The following SLC25A21 variants were observed in gnomAD, a reference collection of about 807,000 sequenced individuals.
SLC25A21 encodes the protein solute carrier family 25 member 21.
A neutral mutation model predicts 43.8 loss-of-function variants in SLC25A21; 47 were observed. That is an observed-to-expected ratio of 1.07 (90% CI 0.85 to 1.37). The LOEUF (loss-of-function observed/expected upper bound fraction) is 1.37, where lower values mean the gene tolerates loss of function less well. SLC25A21 is among the 40% of genes most tolerant of loss of function. The probability of loss-of-function intolerance (pLI) is 0.00; values close to 1 mark genes in which losing one functional copy is unlikely to be tolerated. For synonymous variants in SLC25A21, 131 were observed against 121.3 expected, an observed-to-expected ratio of 1.08 and a Z score of -0.52; for missense variants, 352 against 350.2, an observed-to-expected ratio of 1.00 and a Z score of -0.04.
intron 1 of SLC25A21, among the ~76,000 whole-genome samples, chr14:36,980,669 A>G (rs952461723): frequency 6.6e-6 from 1 of 152,122 alleles, no homozygotes. Context: ...CATCAAACTC[A>G]TTCTCTGTCC....
chr14:36,892,660 T>G (rs1049810983), intron 1 of SLC25A21, among the ~76,000 whole-genome samples: 14 of 152,054 alleles, frequency 9.2e-5, no homozygotes, highest in Admixed American at 1.3e-4. Flanking sequence ...AACTCGTCAT[T>G]TAACATTAGG....
chr14:36,949,539 C>A (rs1234385388), intron 1 of SLC25A21, among the ~76,000 whole-genome samples: 1 of 152,182 alleles, frequency 6.6e-6, no homozygotes, highest in East Asian at 1.9e-4. Flanking sequence ...CACCTTGTCC[C>A]CTGCCTCCTC....
At chr14:37,012,696 C>T (rs954979780) in intron 1 of SLC25A21, among the ~76,000 whole-genome samples, 3 of 152,086 alleles carry the variant, frequency 2.0e-5, no homozygotes, top group African/African-American at 7.2e-5. Context: ...GCGTGGTAAG[C>T]CGAATTTCCC....
At chr14:37,016,518 C>T (rs946392009) in intron 1 of SLC25A21, among the ~76,000 whole-genome samples, 3 of 151,994 alleles carry the variant, frequency 2.0e-5, no homozygotes, top group African/African-American at 4.8e-5. Context: ...ATTGACTTGG[C>T]GATGCGGGCT....
At chr14:37,103,667 T>C (rs1488809095) in intron 1 of SLC25A21, among the ~76,000 whole-genome samples, 1 of 152,148 alleles carries the variant, frequency 6.6e-6, no homozygotes, top group Non-Finnish European at 1.5e-5. Flanking sequence ...CCACTTCAAA[T>C]CTCAAACCTT....
rs548005479 is a variant in SLC25A21 at position 36,982,483 on chromosome 14, G to C, written c.71-107479C>G. Among the ~76,000 whole-genome samples, 22 of 152,260 alleles carry C rather than the reference G, an allele frequency of 1.4e-4. No homozygotes were observed. The East Asian group carries it at 4.2e-3, about 29-fold the overall frequency. On this transcript the variant is annotated intron_variant, in intron 1 of 9. Coordinates refer to ENST00000331299, the MANE Select transcript of SLC25A21 (RefSeq NM_030631.4). ...TAAGCACAGGGCCATCTAAGCAGTA[G>C]AATTTTTAACCATGAAAGGTTTTAG...
At chr14:37,119,192 C>T (rs1031449049) in intron 1 of SLC25A21, among the ~76,000 whole-genome samples, 1 of 152,162 alleles carries the variant, frequency 6.6e-6, no homozygotes, top group African/African-American at 2.4e-5. Flanking sequence ...AGCCTCAGTT[C>T]CAGGAACTGC....
At chr14:36,833,930 A>C (rs1172148608) in intron 2 of SLC25A21, among the ~76,000 whole-genome samples, 1 of 152,202 alleles carries the variant, frequency 6.6e-6, no homozygotes, top group Non-Finnish European at 1.5e-5. Flanking sequence ...TAAAACAGAA[A>C]ATAAGATATA....
intron 2 of SLC25A21, among the ~76,000 whole-genome samples, chr14:36,818,584 T>TGTG (rs776490493): frequency 3.9e-5 from 6 of 152,246 alleles, no homozygotes; most frequent in Non-Finnish European, 5.9e-5. Flanking sequence ...TCTCTTCTAC[T>TGTG]GTGTATCTCA....
At chr14:37,113,840 C>T (rs147559882) in intron 1 of SLC25A21, among the ~76,000 whole-genome samples, 11 of 106,322 alleles carry the variant, frequency 1.0e-4, no homozygotes, top group East Asian at 2.7e-4. Context: ...GGCAACAGAG[C>T]GAGACTCTGT....
chr14:36,854,457 C>T (rs1889838966), intron 2 of SLC25A21, among the ~76,000 whole-genome samples: 1 of 152,130 alleles, frequency 6.6e-6, no homozygotes, highest in Non-Finnish European at 1.5e-5. Context: ...CTGGCTCTCT[C>T]CTTTCTCATT....
chr14:36,769,161 A>T (rs1439321654), intron 3 of SLC25A21, among the ~76,000 whole-genome samples: 1 of 152,198 alleles, frequency 6.6e-6, no homozygotes, highest in African/African-American at 2.4e-5. Flanking sequence ...TCAAGGGATA[A>T]CACACTCTAT....
chr14:36,758,076 G>A (rs1411596921), intron 3 of SLC25A21, among the ~76,000 whole-genome samples: 1 of 152,190 alleles, frequency 6.6e-6, no homozygotes, highest in Non-Finnish European at 1.5e-5. Flanking sequence ...ACTGGCTCAG[G>A]GGCCCCAGAA....
At chr14:37,037,494 T>G (rs921965059) in intron 1 of SLC25A21, among the ~76,000 whole-genome samples, 2 of 152,340 alleles carry the variant, frequency 1.3e-5, no homozygotes, top group Admixed American at 1.3e-4. Flanking sequence ...AAGCCATTAC[T>G]TGAAATTTAT....
intron 2 of SLC25A21, among the ~76,000 whole-genome samples, chr14:36,840,488 C>T (rs1055423174): frequency 6.6e-6 from 1 of 152,118 alleles, no homozygotes; most frequent in Non-Finnish European, 1.5e-5. Flanking sequence ...AAAACAAAAA[C>T]GTTTCCCCCA....
At chr14:36,717,569 C>T (rs563896314) in intron 6 of SLC25A21, among the ~76,000 whole-genome samples, 48 of 152,316 alleles carry the variant, frequency 3.2e-4, no homozygotes, top group Non-Finnish European at 5.1e-4. Context: ...CTGTGCCTTG[C>T]CCTTGCACCA....
intron 1 of SLC25A21, among the ~76,000 whole-genome samples, chr14:37,109,137 T>G (rs1325626793): frequency 6.6e-6 from 1 of 152,164 alleles, no homozygotes; most frequent in African/African-American, 2.4e-5. Context: ...GAAGTTTCAA[T>G]TAGTTGATCC....
intron 1 of SLC25A21, among the ~76,000 whole-genome samples, chr14:37,110,411 G>C (rs2138876530): frequency 6.6e-6 from 1 of 152,264 alleles, no homozygotes; most frequent in Admixed American, 6.5e-5. Flanking sequence ...AGAGTACTAA[G>C]TACATCCACT....
In SLC25A21 at chr14:36,816,502, T is replaced by C. The variant is rs573199791; in HGVS notation, c.120-2501A>G. Among the ~76,000 whole-genome samples the C allele has an allele frequency of 1.8e-4, 27 of 150,598 alleles. No homozygotes were observed. The East Asian group carries it at 5.0e-3, about 28-fold the overall frequency. On this transcript the variant is annotated intron_variant, in intron 2 of 9. Coordinates refer to ENST00000331299, the MANE Select transcript of SLC25A21 (RefSeq NM_030631.4). The stretch of plus-strand genomic sequence containing the variant: ...CACATTTAACATATTCTCCTCTTTT[T>C]TTTTTTTTTTTTTGAGACAGGGTCT...
Sources: allele counts gnomAD v4.1 joint callset (sites outside exome capture counted in the v4.1 genomes callset), GRCh38; gene constraint gnomAD v4.1.1; transcripts MANE v1.5; gene names NCBI Gene and HGNC (gene_info 2026-07-23, HGNC 2026-07-21).